RAB30: variants seen among roughly 807,000 people sequenced by gnomAD.
The protein encoded by RAB30 is ras-related protein Rab-30.
RAB30 carries 9 observed loss-of-function variants against 25.1 expected under a neutral mutation model. That is an observed-to-expected ratio of 0.36 (90% CI 0.22 to 0.63). RAB30 has a LOEUF of 0.63. Among genes scored for constraint, RAB30 ranks in the 20% least tolerant of loss-of-function variants. RAB30 has a pLI of 0.69. For missense variants in RAB30, 140 were observed against 243.5 expected, an observed-to-expected ratio of 0.58 and a Z score of 2.83; for synonymous variants, 77 against 86.4, an observed-to-expected ratio of 0.89 and a Z score of 0.60.
At chr11:83,016,206 T>C (rs1857433071) in intron 1 of RAB30, among the ~76,000 whole-genome samples, 1 of 152,126 alleles carries the variant, frequency 6.6e-6, no homozygotes, top group Admixed American at 6.5e-5. Flanking sequence ...TGAAGGCCAC[T>C]GGTTGACAGA....
chr11:82,994,635 A>G (rs1429051372), intron 2 of RAB30, among the ~76,000 whole-genome samples: 2 of 152,200 alleles, frequency 1.3e-5, no homozygotes, highest in Admixed American at 6.5e-5. Context: ...ATAAGAACTC[A>G]GCATGAGAAG....
intron 1 of RAB30, among the ~76,000 whole-genome samples, chr11:83,043,372 C>G (rs1405569856): frequency 6.6e-6 from 1 of 152,174 alleles, no homozygotes; most frequent in Non-Finnish European, 1.5e-5. Context: ...TGAGCCTAAT[C>G]CACATTAGAA....
chr11:83,000,638 G>T (rs966691754), intron 1 of RAB30, among the ~76,000 whole-genome samples: 4 of 152,010 alleles, frequency 2.6e-5, no homozygotes, highest in Non-Finnish European at 5.9e-5. Flanking sequence ...CTTTGCTGGA[G>T]GTCAAAGAAC....
rs1316032200 is a variant in RAB30 at position 82,979,417 on chromosome 11, G to A, written c.*2748C>T. The A allele has an allele frequency of 6.6e-6, 1 of 152,144 alleles. No individual in the cohort carries two copies. Among genetic ancestry groups the A allele is most frequent in the Non-Finnish European group, 1.5e-5 (1 of 68,022 alleles). The allele number at this position is 152,144 out of a possible 1,614,324, so 9.4% of individuals were successfully genotyped here. On this transcript the variant is annotated 3_prime_UTR_variant, in exon 5 of 5. Transcript: ENST00000527633. ...TCTTTTTTCATCCACCACTAAATGA[G>A]AGTTCATTTTTATCTAAAGAAGGCT...
rs558686202 is a variant in RAB30, at chr11:83,027,865, T to C, written c.-8-30541A>G. Among the ~76,000 whole-genome samples, 6 of 152,326 alleles carry C rather than the reference T, an allele frequency of 3.9e-5. No homozygotes were observed. The East Asian group carries it at 1.2e-3, about 29-fold the overall frequency. On this transcript the variant is annotated intron_variant, in intron 1 of 4. Coordinates refer to ENST00000527633, the MANE Select transcript of RAB30 (RefSeq NM_001286060.2). ...CTATTTTTTTGTCTGTATAGATTTGTCCATTCTGGCCATTTCATATAAATG... is the reference window on the plus strand; with the variant it reads ...CTATTTTTTTGTCTGTATAGATTTGCCCATTCTGGCCATTTCATATAAATG...
At chr11:83,027,314 C>A (rs1857745232) in intron 1 of RAB30, among the ~76,000 whole-genome samples, 1 of 152,102 alleles carries the variant, frequency 6.6e-6, no homozygotes, top group African/African-American at 2.4e-5. Flanking sequence ...CTGGCAGTAT[C>A]CAGCGTGGAT....
chr11:83,021,531 C>T (rs1002814206), intron 1 of RAB30, among the ~76,000 whole-genome samples: 2 of 152,206 alleles, frequency 1.3e-5, no homozygotes, highest in African/African-American at 2.4e-5. Context: ...GCTGCCCGCC[C>T]GGCAGCAGCA....
intron 1 of RAB30, among the ~76,000 whole-genome samples, chr11:83,048,783 G>A (rs1237311159): frequency 6.6e-6 from 1 of 152,190 alleles, no homozygotes; most frequent in Admixed American, 6.5e-5. Context: ...GACCTCTAAG[G>A]AAAGGTCCTG....
chr11:83,061,044 A>C (rs1858563046), intron 1 of RAB30, among the ~76,000 whole-genome samples: 1 of 152,182 alleles, frequency 6.6e-6, no homozygotes, highest in Non-Finnish European at 1.5e-5. Context: ...CTGGGTCTTC[A>C]GCCTCAGACT....
chr11:83,032,143 A>G (rs1178266028), intron 1 of RAB30, among the ~76,000 whole-genome samples: 1 of 152,038 alleles, frequency 6.6e-6, no homozygotes, highest in Admixed American at 6.6e-5. Context: ...AGTGATCCTT[A>G]TTTCCTAGGA....
At position 83,071,803 on chromosome 11, in the gene RAB30, C is replaced by A. The variant is rs1232095278; in HGVS notation, c.-121G>T. 3.0e-6 allele frequency: 1 copy of A among 329,204 alleles called. No individual in the cohort carries two copies. The highest frequency in any genetic ancestry group is 5.5e-6 in the Non-Finnish European group (1 of 183,074). 20.4% of individuals were successfully genotyped at this position (329,204 alleles called of 1,614,324 possible). A position where few individuals can be genotyped will look rare whatever the true frequency, so the allele number is the denominator to read the frequency against. ...CCTGAGTCCAAGGGCTGGAGTCAGT[C>A]CCTGCCCTGGTGCTGCTGCTACACT... On this transcript the variant is annotated 5_prime_UTR_variant, in exon 1 of 5. Coordinates refer to ENST00000527633, the MANE Select transcript of RAB30 (RefSeq NM_001286060.2).
At chr11:83,067,655 C>G (rs910497596) in intron 1 of RAB30, among the ~76,000 whole-genome samples, 16 of 152,116 alleles carry the variant, frequency 1.1e-4, no homozygotes, top group Admixed American at 1.3e-4. Context: ...TCTCCCTATC[C>G]CCCCATCCAA....
intron 2 of RAB30, among the ~76,000 whole-genome samples, chr11:82,996,103 T>C (rs1856951840): frequency 6.6e-6 from 1 of 152,264 alleles, no homozygotes; most frequent in Admixed American, 6.5e-5. Flanking sequence ...CTTGTTACTT[T>C]TGATTTCACC....
intron 3 of RAB30, 73 bp downstream of exon 3, chr11:82,993,966 G>T: frequency 1.7e-6 from 2 of 1,164,464 alleles, no homozygotes; most frequent in Non-Finnish European, 1.3e-6. Flanking sequence ...TTTAATAAAT[G>T]GTTATGAAAG....
At chr11:83,012,854 G>A (rs17144498) in intron 1 of RAB30, among the ~76,000 whole-genome samples, 8,238 of 152,072 alleles carry the variant, frequency 0.054, 317 homozygotes, top group East Asian at 0.11. Context: ...TATGACTACC[G>A]CTATGATCAC....
chr11:83,043,048 C>A (rs1000381306), intron 1 of RAB30, among the ~76,000 whole-genome samples: 23 of 152,250 alleles, frequency 1.5e-4, no homozygotes, highest in African/African-American at 5.5e-4. Flanking sequence ...TGTGATTGTT[C>A]ATGCCCCTGT....
chr11:83,007,467 A>C (rs1024190152), intron 1 of RAB30, among the ~76,000 whole-genome samples: 18 of 152,222 alleles, frequency 1.2e-4, no homozygotes, highest in Non-Finnish European at 2.6e-4. Flanking sequence ...TATTTTCCTA[A>C]TTCCTAGAAA....
At chr11:83,003,299 T>C (rs115832946) in intron 1 of RAB30, among the ~76,000 whole-genome samples, 5,366 of 152,290 alleles carry the variant, frequency 0.035, 334 homozygotes, top group African/African-American at 0.12. Context: ...GTCATATATA[T>C]TGATTGCAGA....
intron 1 of RAB30, among the ~76,000 whole-genome samples, chr11:83,060,533 G>A (rs998637720): frequency 2.0e-5 from 3 of 152,160 alleles, no homozygotes; most frequent in Non-Finnish European, 4.4e-5. Flanking sequence ...GACATTAGGT[G>A]TCACCTATGA....
Sources: allele counts gnomAD v4.1 joint callset (sites outside exome capture counted in the v4.1 genomes callset), GRCh38; gene constraint gnomAD v4.1.1; transcripts MANE v1.5; gene names NCBI Gene and HGNC (gene_info 2026-07-23, HGNC 2026-07-21).